The following RBFOX3 variants were observed in gnomAD, a reference collection of about 807,000 sequenced individuals.
The protein encoded by RBFOX3 is RNA binding fox-1 homolog 3.
Under a neutral mutation model 48.7 loss-of-function variants are expected in RBFOX3, and 17 were observed. The observed-to-expected ratio is 0.35, with a 90% CI of 0.24 to 0.52. The LOEUF (loss-of-function observed/expected upper bound fraction) is 0.52, where lower values mean the gene tolerates loss of function less well. RBFOX3 is among the 20% of genes least tolerant of loss of function. The pLI is 0.94. For synonymous variants in RBFOX3, 212 were observed against 209.5 expected (o/e 1.01, Z -0.10); for missense variants, 382 against 497.5 (o/e 0.77, Z 2.21).
chr17:79,416,765 G>A (rs1036070920), intron 2 of RBFOX3, among the ~76,000 whole-genome samples: 6 of 152,246 alleles, frequency 3.9e-5, no homozygotes, highest in Admixed American at 2.0e-4. Flanking sequence ...ACTGACAAGC[G>A]CAGCTGGCTG....
At chr17:79,655,098 G>C in the RBFOX3 span, among the ~76,000 whole-genome samples, 1 of 152,170 alleles carries the variant, frequency 6.6e-6, no homozygotes, top group Admixed American at 6.5e-5. Context: ...ACCGGGCCGT[G>C]AGTTAAATGT....
At chr17:79,142,732 T>C (rs1040495027) in intron 4 of RBFOX3, among the ~76,000 whole-genome samples, 2 of 152,106 alleles carry the variant, frequency 1.3e-5, no homozygotes, top group Non-Finnish European at 2.9e-5. Context: ...CTTGACCCAG[T>C]CTGGGGCTCT....
intron 3 of RBFOX3, among the ~76,000 whole-genome samples, chr17:79,236,937 G>A (rs1256462284): frequency 4.6e-5 from 7 of 152,148 alleles, no homozygotes; most frequent in Non-Finnish European, 1.5e-5. Context: ...CTGTGTACAT[G>A]ACTTGCACAT....
intron 1 of RBFOX3, among the ~76,000 whole-genome samples, chr17:79,572,208 C>T (rs1370289467): frequency 2.0e-5 from 3 of 152,164 alleles, no homozygotes; most frequent in Non-Finnish European, 2.9e-5. Flanking sequence ...CCCTAACACA[C>T]CTGCTGCCCA....
At chr17:79,359,764 G>C (rs1165207370) in intron 2 of RBFOX3, among the ~76,000 whole-genome samples, 1 of 151,134 alleles carries the variant, frequency 6.6e-6, no homozygotes, top group South Asian at 2.1e-4. Context: ...GTCTCACTCT[G>C]TTGCTCAGGG....
rs542539761 is a variant in RBFOX3 at position 79,140,504 on chromosome 17, C to T, written c.-33-24756G>A. On this transcript the variant is annotated intron_variant, in intron 4 of 14. Coordinates refer to ENST00000693108, the MANE Select transcript of RBFOX3 (RefSeq NM_001350451.2). ...CCTGCTGCAGGCTGGCACCGGCACC[C>T]ACATTAGCTGTAAAGCTCACGATGG... Among the ~76,000 whole-genome samples, 14 of 152,386 alleles carry T rather than the reference C, an allele frequency of 9.2e-5. No individual in the cohort carries two copies. The South Asian group carries it at 2.7e-3, about 29-fold the overall frequency.
chr17:79,633,101 C>T, the RBFOX3 span, among the ~76,000 whole-genome samples: 2 of 152,248 alleles, frequency 1.3e-5, no homozygotes, highest in African/African-American at 2.4e-5. Flanking sequence ...AAGGAGCTGT[C>T]GGCCCATGTT....
At chr17:79,398,835 C>T (rs568587350) in intron 2 of RBFOX3, among the ~76,000 whole-genome samples, 9 of 152,126 alleles carry the variant, frequency 5.9e-5, no homozygotes, top group Non-Finnish European at 1.0e-4. Context: ...ACACACAGTG[C>T]ACAGCTGAAC....
chr17:79,637,811 GGGAA>G, the RBFOX3 span, among the ~76,000 whole-genome samples: 1 of 145,036 alleles, frequency 6.9e-6, no homozygotes, highest in South Asian at 2.2e-4. Flanking sequence ...GGGAAGGGAA[GGGAA>G]GGGAAGGGAA....
the RBFOX3 span, among the ~76,000 whole-genome samples, chr17:79,619,386 G>C: frequency 6.6e-6 from 1 of 152,180 alleles, no homozygotes; most frequent in Admixed American, 6.5e-5. Context: ...GCTCCAGGGG[G>C]ACTCCCTCCC....
At chr17:79,567,719 C>G (rs1206669793) in intron 1 of RBFOX3, among the ~76,000 whole-genome samples, 1 of 152,152 alleles carries the variant, frequency 6.6e-6, no homozygotes, top group African/African-American at 2.4e-5. Context: ...TTAGGGCTGT[C>G]GTAAGGATTT....
Position 79,364,839 on chromosome 17 carries a change from T to C in RBFOX3, c.-174-57015A>G, listed in dbSNP as rs1054872319. Among the ~76,000 whole-genome samples, 1 of 152,118 alleles carries C rather than the reference T, an allele frequency of 6.6e-6. No individual in the cohort carries two copies. The highest frequency in any genetic ancestry group is 1.9e-4 in the East Asian group (1 of 5,196). On this transcript the variant is annotated intron_variant, in intron 2 of 14. Transcript: ENST00000693108. This position sits in a 1 kb window ranked among gnomAD's most constrained non-coding sequence, Gnocchi z 5.1. ...TGGCCTTACCTACAGCCTGGGTTGC[T>C]CCCTCAGCTGGAGAGGCTACCTTGT...
intron 4 of RBFOX3, chr17:79,208,399 T>G (rs1338196830): frequency 6.6e-6 from 1 of 152,260 alleles, no homozygotes; most frequent in East Asian, 1.9e-4. Context: ...GGGGTGGGGC[T>G]GGGAGTCAGT....
intron 3 of RBFOX3, among the ~76,000 whole-genome samples, chr17:79,287,900 T>C (rs73411817): frequency 0.054 from 8,201 of 152,212 alleles, 748 homozygotes; most frequent in African/African-American, 0.19. Context: ...ATTGTCACAT[T>C]GCGGCACGTC....
chr17:79,097,415 A>C lies in RBFOX3; in HGVS notation c.632T>G (p.Phe211Cys). Reference protein sequence around the residue: ...YGPEFYAVTGFPYPTTGTAVA... With the variant: ...YGPEFYAVTGCPYPTTGTAVA... ...GGCTGTGCCGGTGGTGGGGTAGGGG[A>C]ACCCCGTCACTGCAGGAAACGGGGC... The change falls in exon 11 of 15, where the codon TTC (phenylalanine) becomes TGC (cysteine). Residue 211 changes from phenylalanine (F) to cysteine (C), a missense_variant. By Grantham distance (205) the Phe-to-Cys change is radical. Coordinates refer to ENST00000693108, the MANE Select transcript of RBFOX3 (RefSeq NM_001350451.2). 1 of 1,545,574 alleles carries C rather than the reference A, an allele frequency of 6.5e-7. No homozygotes were observed. The highest frequency in any genetic ancestry group is 8.7e-7 in the Non-Finnish European group (1 of 1,144,738).
chr17:79,148,763 G>C (rs1297821483), intron 4 of RBFOX3, among the ~76,000 whole-genome samples: 1 of 152,220 alleles, frequency 6.6e-6, no homozygotes, highest in Non-Finnish European at 1.5e-5. Context: ...ACGCAGGGGA[G>C]GGAGGCCGAC....
intron 4 of RBFOX3, among the ~76,000 whole-genome samples, chr17:79,190,245 C>T (rs147133560): frequency 0.079 from 11,963 of 152,192 alleles, 585 homozygotes; most frequent in South Asian, 0.12. Flanking sequence ...AACCCCATCT[C>T]TACTAAAAAT....
At chr17:79,196,738 C>T (rs920837833) in intron 4 of RBFOX3, among the ~76,000 whole-genome samples, 1 of 152,176 alleles carries the variant, frequency 6.6e-6, no homozygotes, top group Non-Finnish European at 1.5e-5. Context: ...TGGAGTGGAA[C>T]GTTCCACTGA....
Position 79,312,909 on chromosome 17 carries a change from A to T in RBFOX3, c.-174-5085T>A, listed in dbSNP as rs921117699. The stretch of plus-strand genomic sequence containing the variant: ...GGACAGGCAGCTTAGACAGGGCTGC[A>T]GGGCCACAGTGGGACCGAGGGAAGC... On this transcript the variant is annotated intron_variant, in intron 2 of 14. Transcript: ENST00000693108. Among the ~76,000 whole-genome samples, 7 of 152,260 alleles carry T rather than the reference A, an allele frequency of 4.6e-5. No homozygotes were observed. The East Asian group carries it at 1.2e-3, about 25-fold the overall frequency.
Sources: allele counts gnomAD v4.1 joint callset (sites outside exome capture counted in the v4.1 genomes callset), GRCh38; gene constraint gnomAD v4.1.1; non-coding constraint Gnocchi (gnomAD v3.1); transcripts MANE v1.5; gene names NCBI Gene and HGNC (gene_info 2026-07-23, HGNC 2026-07-21).